The following PAPPA variants were observed in gnomAD, a reference collection of about 807,000 sequenced individuals.
The protein encoded by PAPPA is pappalysin 1, also known as pappalysin-1.
A neutral mutation model predicts 164.0 loss-of-function variants in PAPPA; 60 were observed. The observed-to-expected ratio is 0.37, with a 90% CI of 0.30 to 0.45. PAPPA has a LOEUF of 0.45. Among genes scored for constraint, PAPPA ranks in the 20% least tolerant of loss-of-function variants. The pLI, the probability that PAPPA is intolerant of heterozygous loss-of-function variation, is 1.00. For synonymous variants in PAPPA, 875 were observed against 814.1 expected (o/e 1.07, Z -1.27); for missense variants, 1,782 against 2,087.3 (o/e 0.85, Z 2.85).
At chr9:116,278,716 C>T (rs183617371) in intron 9 of PAPPA, among the ~76,000 whole-genome samples, 22 of 151,960 alleles carry the variant, frequency 1.4e-4, no homozygotes, top group Admixed American at 3.3e-4. Flanking sequence ...ATGTTGGAGA[C>T]AGAGGAGCTT....
Position 116,352,792 on chromosome 9 carries a change from C to T in PAPPA, c.4051C>T (p.Pro1351Ser), listed in dbSNP as rs55679739. The change falls in exon 16 of 22, where the codon CCT (proline) becomes TCT (serine). Residue 1351 changes from proline to serine, a missense_variant. Physicochemically the swap from Pro to Ser is moderately conservative, Grantham distance 74. Coordinates refer to ENST00000328252, the MANE Select transcript of PAPPA (RefSeq NM_002581.5). Reference protein sequence around the residue: ...LCELMCLAPPPVPNADLQTAR... With the variant: ...LCELMCLAPPSVPNADLQTAR... ...TGAGCTCATGTGCCTCGCTCCACCC[C>T]CTGTGCCCAATGCAGACCTCCAGAC... 9.9e-6 allele frequency: 16 copies of T among 1,614,024 alleles called. No homozygotes were observed. The East Asian group carries it at 1.1e-4, about 11-fold the overall frequency.
At chr9:116,193,067 A>G (rs1697728203) in intron 2 of PAPPA, among the ~76,000 whole-genome samples, 1 of 152,154 alleles carries the variant, frequency 6.6e-6, no homozygotes, top group South Asian at 2.1e-4. Flanking sequence ...GTTGTCTCAT[A>G]AGGAAACATT....
chr9:116,278,882 T>C (rs1168213360), intron 9 of PAPPA, among the ~76,000 whole-genome samples: 1 of 152,232 alleles, frequency 6.6e-6, no homozygotes, highest in Non-Finnish European at 1.5e-5. Flanking sequence ...ATAGAGTGTT[T>C]AGCACAATGC....
intron 8 of PAPPA, among the ~76,000 whole-genome samples, chr9:116,267,628 C>T (rs1246208631): frequency 6.6e-6 from 1 of 151,798 alleles, no homozygotes. Flanking sequence ...AATCCCAGCA[C>T]TTTGGGAGGC....
rs925395036 is a variant in PAPPA at position 116,362,638 on chromosome 9, A to G, written c.4394A>G (p.Asn1465Ser). The change falls in exon 18 of 22, where the codon AAC becomes AGC. Residue 1465 changes from asparagine (N) to serine (S), a missense_variant. Physicochemically the swap from Asn to Ser is conservative, Grantham distance 46. Around this residue, in one of 2 missense-constraint regions of PAPPA, gnomAD observed 1,324 missense variants for 1,656.9 expected, o/e 0.80. Coordinates refer to ENST00000328252, the MANE Select transcript of PAPPA (RefSeq NM_002581.5). The part of the protein sequence containing the change: ...VIHCRKDGTW[N>S]GSFHVCQEMQ... Reference sequence around the variant, plus strand: ...CATTGCCGGAAAGATGGCACCTGGAACGGCTCCTTCCATGTCTGCCAGGAG... The same window carrying G: ...CATTGCCGGAAAGATGGCACCTGGAGCGGCTCCTTCCATGTCTGCCAGGAG... The G allele has an allele frequency of 9.3e-6, 15 of 1,614,010 alleles. No homozygotes were observed. The highest frequency in any genetic ancestry group is 1.3e-5 in the Non-Finnish European group (15 of 1,180,006).
intron 1 of PAPPA, among the ~76,000 whole-genome samples, chr9:116,156,129 T>G (rs890769635): frequency 1.9e-4 from 28 of 150,730 alleles, no homozygotes; most frequent in African/African-American, 6.6e-4. Flanking sequence ...TTTTTTAATC[T>G]GTAGGTCTGG....
At chr9:116,216,064 T>C (rs192390875) in intron 4 of PAPPA, among the ~76,000 whole-genome samples, 2 of 152,326 alleles carry the variant, frequency 1.3e-5, no homozygotes, top group East Asian at 3.9e-4. Flanking sequence ...ATATTCCAGA[T>C]ACTCTACAGT....
chr9:116,380,223 A>G (rs544359994), intron 20 of PAPPA, among the ~76,000 whole-genome samples: 8 of 152,334 alleles, frequency 5.3e-5, no homozygotes, highest in Admixed American at 4.6e-4. Flanking sequence ...TCACTATTGC[A>G]TCCTTTTCCT....
At chr9:116,327,634 T>G (rs1845937772) in intron 10 of PAPPA, among the ~76,000 whole-genome samples, 1 of 151,914 alleles carries the variant, frequency 6.6e-6, no homozygotes, top group African/African-American at 2.4e-5. Flanking sequence ...CCCCATAAAA[T>G]CAGTCACCTT....
chr9:116,385,474 C>T (rs972004968), intron 21 of PAPPA, among the ~76,000 whole-genome samples: 3 of 151,848 alleles, frequency 2.0e-5, no homozygotes, highest in Non-Finnish European at 4.4e-5. Flanking sequence ...GTAACTTTAC[C>T]GTATACATAT....
At chr9:116,214,693 C>T (rs1211460654) in intron 4 of PAPPA, among the ~76,000 whole-genome samples, 1 of 152,128 alleles carries the variant, frequency 6.6e-6, no homozygotes, top group Non-Finnish European at 1.5e-5. Flanking sequence ...AAAAGAGTAG[C>T]AGACCCAGTT....
At chr9:116,216,922 G>GTA (rs1469141288) in intron 4 of PAPPA, among the ~76,000 whole-genome samples, 1 of 151,540 alleles carries the variant, frequency 6.6e-6, no homozygotes, top group Non-Finnish European at 1.5e-5. Flanking sequence ...TTGTATTTTT[G>GTA]GTGGAGACAG....
At chr9:116,369,394 C>G (rs76104930) in intron 19 of PAPPA, among the ~76,000 whole-genome samples, 9,206 of 152,260 alleles carry the variant, frequency 0.06, 305 homozygotes, top group South Asian at 0.077. Flanking sequence ...GATAGGGAAA[C>G]TGAGGCCTAT....
chr9:116,323,047 T>C (rs1845879210), intron 10 of PAPPA, among the ~76,000 whole-genome samples: 1 of 152,220 alleles, frequency 6.6e-6, no homozygotes, highest in Non-Finnish European at 1.5e-5. Flanking sequence ...CCTCATGGCA[T>C]GTCCCCTGTG....
chr9:116,171,493 A>T (rs1373428446), intron 1 of PAPPA, among the ~76,000 whole-genome samples: 1 of 121,956 alleles, frequency 8.2e-6, no homozygotes, highest in Non-Finnish European at 1.7e-5. Context: ...CCCACTTTCA[A>T]CCCCCCCACC....
chr9:116,316,766 C>G (rs980453308), intron 10 of PAPPA, among the ~76,000 whole-genome samples: 1 of 152,332 alleles, frequency 6.6e-6, no homozygotes, highest in African/African-American at 2.4e-5. Context: ...TCCACCTGTT[C>G]CTTTCATACA....
intron 21 of PAPPA, among the ~76,000 whole-genome samples, chr9:116,390,104 A>C (rs1392230334): frequency 6.6e-6 from 1 of 152,194 alleles, no homozygotes; most frequent in Admixed American, 6.5e-5. Context: ...ATGAGCAAGA[A>C]CTTGGTCCCA....
Position 116,398,644 on chromosome 9 carries a change from C to A in PAPPA, c.*2028C>A. On this transcript the variant is annotated 3_prime_UTR_variant, in exon 22 of 22. Transcript: ENST00000328252. ...ATCAAGGTGCTTTTGGCACAGGTGCCCACAAATACGGATGCAGTGCTGAGA... is the reference window on the plus strand; with the variant it reads ...ATCAAGGTGCTTTTGGCACAGGTGCACACAAATACGGATGCAGTGCTGAGA... The A allele has an allele frequency of 1.4e-6, 1 of 697,266 alleles. No homozygotes were observed. The highest frequency in any genetic ancestry group is 1.8e-5 in the African/African-American group (1 of 54,806). 43.2% of individuals were successfully genotyped at this position (697,266 alleles called of 1,614,324 possible).
At chr9:116,370,405 A>G (rs1403879976) in intron 19 of PAPPA, among the ~76,000 whole-genome samples, 1 of 152,198 alleles carries the variant, frequency 6.6e-6, no homozygotes, top group Non-Finnish European at 1.5e-5. Flanking sequence ...GGCCAGTCTG[A>G]TAGTTTACTT....
Sources: allele counts gnomAD v4.1 joint callset (sites outside exome capture counted in the v4.1 genomes callset), GRCh38; gene constraint gnomAD v4.1.1; regional missense constraint gnomAD v4.1.1; transcripts MANE v1.5; gene names NCBI Gene and HGNC (gene_info 2026-07-23, HGNC 2026-07-21).